Variants in GSPT1 observed in about 807,000 individuals in gnomAD.
GSPT1 encodes the protein G1 to S phase transition 1.
A neutral mutation model predicts 72.5 loss-of-function variants in GSPT1; 20 were observed. The observed-to-expected ratio is 0.28, with a 90% CI of 0.19 to 0.40. GSPT1 has a LOEUF of 0.40. Among genes scored for constraint, GSPT1 ranks in the 10% least tolerant of loss-of-function variants. The probability of loss-of-function intolerance (pLI) is 1.00; values close to 1 mark genes in which losing one functional copy is unlikely to be tolerated. For synonymous variants in GSPT1, 334 were observed against 293.5 expected (o/e 1.14, Z -1.41); for missense variants, 580 against 811.9 (o/e 0.71, Z 3.47).
At chr16:11,893,919 T>C (rs537906045) in intron 5 of GSPT1, among the ~76,000 whole-genome samples, 2 of 151,902 alleles carry the variant, frequency 1.3e-5, no homozygotes, top group Non-Finnish European at 2.9e-5. Context: ...TGGGAGGCAG[T>C]AGAGGTGGGC....
chr16:11,906,656 A>C (rs1433115021), intron 1 of GSPT1, among the ~76,000 whole-genome samples: 1 of 152,174 alleles, frequency 6.6e-6, no homozygotes, highest in Non-Finnish European at 1.5e-5. Flanking sequence ...TAAAGAAAGA[A>C]AATTTTAAAT....
chr16:11,887,889 G>A (rs1361311350), intron 6 of GSPT1, 139 bp from the exon 7 acceptor site: 2 of 676,612 alleles, frequency 3.0e-6, no homozygotes, highest in South Asian at 4.0e-5. Context: ...ATTGAGCCGG[G>A]TGCGGTGGCT....
At chr16:11,902,076 C>CGAAA (rs2054414359) in intron 1 of GSPT1, among the ~76,000 whole-genome samples, 1 of 130,466 alleles carries the variant, frequency 7.7e-6, no homozygotes, top group South Asian at 2.5e-4. Flanking sequence ...GCAACAAGAG[C>CGAAA]GAAACTCCAT....
chr16:11,915,034 C>A, intron 1 of GSPT1: 1 of 1,290,606 alleles, frequency 7.7e-7, no homozygotes, highest in Non-Finnish European at 1.0e-6. Flanking sequence ...CGCCTCGTGG[C>A]AGGGATCCGC....
chr16:11,886,832 G>C lies in GSPT1; in HGVS notation c.1057C>G (p.Leu353Val). ...TCCATCTTATTAATTAGCACAATTAGGTGTTTTACACCTGCTGTCTTTGCC... is the reference window on the plus strand; with the variant it reads ...TCCATCTTATTAATTAGCACAATTACGTGTTTTACACCTGCTGTCTTTGCC... ...MLAKTAGVKH[L>V]IVLINKMDDP... Residue 353 changes from leucine to valine, a missense_variant, in exon 8 of 15, where the codon CTA becomes GTA. By Grantham distance (32) the Leu-to-Val change is conservative. This residue lies in a region of GSPT1 where 34 missense variants were observed against 62.0 expected (regional missense o/e 0.55). Transcript: ENST00000434724. 3 of 1,613,172 alleles carry C rather than the reference G, an allele frequency of 1.9e-6. No individual in the cohort carries two copies. The highest frequency in any genetic ancestry group is 2.5e-6 in the Non-Finnish European group (3 of 1,179,252).
At chr16:11,873,236 CTTA>C (rs957668144) in intron 14 of GSPT1, 65 bp from the exon 15 acceptor site, 6 of 785,484 alleles carry the variant, frequency 7.6e-6, no homozygotes, top group Non-Finnish European at 1.3e-5. Context: ...GATATTAAAA[CTTA>C]TTATTTTAAA....
At chr16:11,911,767 G>A (rs892668568) in intron 1 of GSPT1, among the ~76,000 whole-genome samples, 1 of 150,164 alleles carries the variant, frequency 6.7e-6, no homozygotes. Flanking sequence ...GGCCAGGCTG[G>A]TCTCGAACTC....
In GSPT1 at chr16:11,886,782, A is replaced by T. The variant is rs1393198973; in HGVS notation, c.1107T>A (p.Asn369Lys). 5.6e-6 allele frequency: 9 copies of T among 1,612,212 alleles called. No homozygotes were observed. Among genetic ancestry groups the T allele is most frequent in the African/African-American group, 1.3e-5 (1 of 74,990 alleles). Residue 369 changes from asparagine to lysine, a missense_variant, in exon 8 of 15, where the codon AAT (asparagine) becomes AAA (lysine). Asn to Lys is a moderately conservative substitution (Grantham distance 94). Coordinates refer to ENST00000434724, the MANE Select transcript of GSPT1 (RefSeq NM_002094.4). ...KMDDPTVNWS[N>K]ERYEECKEKL... ...TACCAGACATCTACGCTCACCTCTC[A>T]TTGCTCCAATTTACTGTTGGATCAT...
intron 1 of GSPT1, among the ~76,000 whole-genome samples, chr16:11,902,120 T>C (rs897233263): frequency 2.0e-4 from 29 of 145,682 alleles, no homozygotes; most frequent in Non-Finnish European, 2.5e-4. Context: ...CGGTGGCTCA[T>C]GCCTATAATC....
rs575794143 is a variant in GSPT1 at position 11,898,713 on chromosome 16, G to A, written c.353-678C>T. On this transcript the variant is annotated intron_variant, in intron 1 of 14. Coordinates refer to ENST00000434724, the MANE Select transcript of GSPT1 (RefSeq NM_002094.4). Reference sequence around the variant, plus strand: ...GTTCTGCCCACCTCGGCCTCCCAAAGTGCTGGGATTACAGGCTTGAGCCAC... The same window carrying A: ...GTTCTGCCCACCTCGGCCTCCCAAAATGCTGGGATTACAGGCTTGAGCCAC... Among the ~76,000 whole-genome samples, 10 of 152,084 alleles carry A rather than the reference G, an allele frequency of 6.6e-5. No individual in the cohort carries two copies. The South Asian group carries it at 2.1e-3, about 32-fold the overall frequency.
At position 11,887,654 on chromosome 16, in the gene GSPT1, A is replaced by G; in HGVS notation, c.873T>C (p.His291=). ...GRAYFETEKK[H]FTILDAPGHK... ...GGCCAGGGGCATCTAGAATTGTGAA[A>G]TGCTTCTTTTCGGTTTCAAAATAGG... The change falls in exon 7 of 15, where the codon CAT becomes CAC. Residue 291 remains histidine, a synonymous_variant. Transcript: ENST00000434724. The G allele has an allele frequency of 6.2e-7, 1 of 1,613,700 alleles. No homozygotes were observed. The highest frequency in any genetic ancestry group is 8.5e-7 in the Non-Finnish European group (1 of 1,179,608).
At chr16:11,906,278 A>T (rs1483074703) in intron 1 of GSPT1, among the ~76,000 whole-genome samples, 1 of 152,040 alleles carries the variant, frequency 6.6e-6, no homozygotes, top group Non-Finnish European at 1.5e-5. Flanking sequence ...GGCTCAAGAG[A>T]GTGAAAACAA....
chr16:11,904,352 G>C (rs941725192), intron 1 of GSPT1, among the ~76,000 whole-genome samples: 6 of 152,020 alleles, frequency 3.9e-5, no homozygotes, highest in African/African-American at 1.2e-4. Flanking sequence ...ACAGGCGCGC[G>C]CCACCACGCC....
intron 11 of GSPT1, among the ~76,000 whole-genome samples, chr16:11,878,937 G>A (rs1276008799): frequency 7.9e-5 from 12 of 151,786 alleles, no homozygotes; most frequent in Non-Finnish European, 1.5e-4. Context: ...TTAGCTTGGC[G>A]TGGTGGCAGG....
chr16:11,908,098 T>G (rs1397779252), intron 1 of GSPT1: 2 of 151,752 alleles, frequency 1.3e-5, no homozygotes, highest in Non-Finnish European at 2.9e-5. Context: ...AAAAATTAGC[T>G]GGGGATGGTG....
upstream of GSPT1, among the ~76,000 whole-genome samples, chr16:11,916,649 CAG>C (rs1423688356): frequency 6.6e-6 from 1 of 152,212 alleles, no homozygotes; most frequent in African/African-American, 2.4e-5. Flanking sequence ...CTTAAAACTG[CAG>C]TGTGGCTCAT....
In GSPT1 at chr16:11,883,021, T is replaced by G. The variant is rs373961708; in HGVS notation, c.1422A>C (p.Pro474=). 3.8e-6 allele frequency: 6 copies of G among 1,592,102 alleles called. No individual in the cohort carries two copies. The highest frequency in any genetic ancestry group is 4.3e-6 in the Non-Finnish European group (5 of 1,160,092). The change falls in exon 11 of 15, where the codon CCA becomes CCC. Residue 474 remains proline (P), a synonymous_variant. Coordinates refer to ENST00000434724, the MANE Select transcript of GSPT1 (RefSeq NM_002094.4). ...CAGCATAACCGATTCTTACCTTGTT[T>G]GGCATCATCACAAGCTGCTGGCCTT... The part of the protein sequence containing the change: ...ICKGQQLVMM[P]NKHNVEVLGI...
Position 11,868,568 on chromosome 16 carries a change from G to A in GSPT1, c.*4551C>T, listed in dbSNP as rs1169396876. The A allele has an allele frequency of 6.6e-6, 1 of 152,132 alleles. No individual in the cohort carries two copies. The highest frequency in any genetic ancestry group is 1.5e-5 in the Non-Finnish European group (1 of 68,034). The allele number at this position is 152,132 out of a possible 1,614,324, so 9.4% of individuals were successfully genotyped here. On this transcript the variant is annotated 3_prime_UTR_variant, in exon 15 of 15. Transcript: ENST00000434724. Reference sequence around the variant, plus strand: ...ACCTCAGTTTCACCTAATGCATGTGGAGGAAATGGAGGTGAGAATAGTCAC... The same window carrying A: ...ACCTCAGTTTCACCTAATGCATGTGAAGGAAATGGAGGTGAGAATAGTCAC...
rs1290472712 is a variant in GSPT1, at chr16:11,869,739, T to C, written c.*3380A>G. The C allele has an allele frequency of 6.6e-6, 1 of 152,216 alleles. No homozygotes were observed. Among genetic ancestry groups the C allele is most frequent in the African/African-American group, 2.4e-5 (1 of 41,452 alleles). 9.4% of individuals were successfully genotyped at this position (152,216 alleles called of 1,614,324 possible). Reference sequence around the variant, plus strand: ...GTAAGAAAAGGTGCTAGAGTGCTGTTATGTGTAATAGTCATCAAAGATCAC... The same window carrying C: ...GTAAGAAAAGGTGCTAGAGTGCTGTCATGTGTAATAGTCATCAAAGATCAC... On this transcript the variant is annotated 3_prime_UTR_variant, in exon 15 of 15. Coordinates refer to ENST00000434724, the MANE Select transcript of GSPT1 (RefSeq NM_002094.4).
Sources: allele counts gnomAD v4.1 joint callset (sites outside exome capture counted in the v4.1 genomes callset), GRCh38; gene constraint gnomAD v4.1.1; regional missense constraint gnomAD v4.1.1; transcripts MANE v1.5; gene names NCBI Gene and HGNC (gene_info 2026-07-23, HGNC 2026-07-21).